Variants in COL6A6 observed in about 807,000 individuals in gnomAD.
COL6A6 encodes collagen type VI alpha 6 chain.
A neutral mutation model predicts 208.6 loss-of-function variants in COL6A6; 183 were observed. The observed-to-expected ratio is 0.88, with a 90% confidence interval of 0.78 to 0.99. The LOEUF is 0.99. Among genes scored for constraint, COL6A6 ranks in the 50% least tolerant of loss-of-function variants. The probability of loss-of-function intolerance (pLI) is 0.00; values close to 1 mark genes in which losing one functional copy is unlikely to be tolerated. For synonymous variants in COL6A6, 973 were observed against 1,011.8 expected, an observed-to-expected ratio of 0.96 and a Z score of 0.73; for missense variants, 2,816 against 2,815.2, an observed-to-expected ratio of 1.00 and a Z score of -0.01.
rs1491218268 is a variant in COL6A6, at chr3:130,662,052, CAA to C, written c.6248_6249del (p.Lys2083SerfsTer43). On this transcript the variant is annotated frameshift_variant, in exon 35 of 37. Transcript: ENST00000358511. LOFTEE classifies it high-confidence loss of function. ...FLSTPNLRRN[K>X]VIFVISAGET... ...TAAGTACACCCAATCTGAGAAGAAA[CAA>C]AGTCATATTTGTGATATCTGCTGGG... The C allele has an allele frequency of 6.2e-6, 10 of 1,613,894 alleles. No individual in the cohort carries two copies. Among genetic ancestry groups the C allele is most frequent in the African/African-American group, 1.3e-5 (1 of 74,908 alleles).
At chr3:130,579,624 G>C (rs1207895921) in intron 8 of COL6A6, among the ~76,000 whole-genome samples, 1 of 152,116 alleles carries the variant, frequency 6.6e-6, no homozygotes, top group Non-Finnish European at 1.5e-5. Context: ...TCCCACTGCT[G>C]TTATCCTACT....
At chr3:130,551,919 A>G (rs904674383) in intron 1 of COL6A6, among the ~76,000 whole-genome samples, 2 of 152,146 alleles carry the variant, frequency 1.3e-5, no homozygotes, top group African/African-American at 4.8e-5. Flanking sequence ...TTATTTACCC[A>G]AAAGTCATTC....
intron 2 of COL6A6, 110 bp from the exon 3 acceptor site, chr3:130,562,958 G>T: frequency 1.3e-6 from 1 of 741,762 alleles, no homozygotes; most frequent in Non-Finnish European, 2.2e-6. Flanking sequence ...TTATTGGGAA[G>T]GTATTTTAAA....
intron 23 of COL6A6, among the ~76,000 whole-genome samples, chr3:130,615,694 C>G (rs1165641271): frequency 6.6e-6 from 1 of 152,060 alleles, no homozygotes; most frequent in African/African-American, 2.4e-5. Context: ...CTTGCTGGTA[C>G]CATAAATTGA....
At chr3:130,566,095 C>T (rs2063015837) in intron 4 of COL6A6, among the ~76,000 whole-genome samples, 1 of 152,090 alleles carries the variant, frequency 6.6e-6, no homozygotes, top group South Asian at 2.1e-4. Flanking sequence ...TTCTAGCATC[C>T]ACCAGTGCAG....
At chr3:130,668,623 T>A (rs1019388000) in intron 36 of COL6A6, among the ~76,000 whole-genome samples, 2 of 152,198 alleles carry the variant, frequency 1.3e-5, no homozygotes, top group African/African-American at 4.8e-5. Context: ...TTATATCAGA[T>A]AATATATACT....
At chr3:130,614,365 G>A (rs1393326955) in intron 23 of COL6A6, among the ~76,000 whole-genome samples, 1 of 152,150 alleles carries the variant, frequency 6.6e-6, no homozygotes, top group Non-Finnish European at 1.5e-5. Flanking sequence ...AGGCCTACTT[G>A]ATTGTGGTGA....
rs1168963848 is a variant in COL6A6, at chr3:130,593,197, A to G, written c.4417-2A>G. On this transcript the variant is annotated splice_acceptor_variant, in intron 16 of 36. Coordinates refer to ENST00000358511, the MANE Select transcript of COL6A6 (RefSeq NM_001102608.3). LOFTEE classifies it high-confidence loss of function. ...TAATAGCTTTCCCTTCTTGTTTTTT[A>G]GGGTGATAATGGTCTTCCTGGAAGA... 6.2e-7 allele frequency: 1 copy of G among 1,613,138 alleles called. No individual in the cohort carries two copies. The highest frequency in any genetic ancestry group is 1.7e-5 in the Admixed American group (1 of 60,014).
chr3:130,557,196 T>G (rs1408068469), intron 1 of COL6A6, among the ~76,000 whole-genome samples: 2 of 152,204 alleles, frequency 1.3e-5, no homozygotes, highest in African/African-American at 4.8e-5. Context: ...GAGAGTATCA[T>G]TTTATAAAGT....
intron 8 of COL6A6, among the ~76,000 whole-genome samples, chr3:130,579,476 G>T (rs573057625): frequency 2.6e-5 from 4 of 152,226 alleles, no homozygotes; most frequent in Admixed American, 2.0e-4. Context: ...TCACAGACTT[G>T]CCCCCCAGGA....
chr3:130,584,227 A>G (rs560895483), intron 10 of COL6A6, among the ~76,000 whole-genome samples: 61 of 152,332 alleles, frequency 4.0e-4, no homozygotes, highest in African/African-American at 1.3e-3. Context: ...ACAGTTATAA[A>G]TAATAGTTAT....
chr3:130,568,474 G>A lies in COL6A6; in HGVS notation c.2271G>A (p.Val757=). 1 of 1,613,864 alleles carries A rather than the reference G, an allele frequency of 6.2e-7. No individual in the cohort carries two copies. The highest frequency in any genetic ancestry group is 8.5e-7 in the Non-Finnish European group (1 of 1,179,876). ...QEGVIIYSVG[V]FGSNVTQLEE... ...GTGTAATCATCTATTCTGTGGGAGTGTTTGGCTCCAATGTCACCCAGCTTG... is the reference window on the plus strand; with the variant it reads ...GTGTAATCATCTATTCTGTGGGAGTATTTGGCTCCAATGTCACCCAGCTTG... Residue 757 remains valine, a synonymous_variant, in exon 6 of 37, where the codon GTG becomes GTA. Coordinates refer to ENST00000358511, the MANE Select transcript of COL6A6 (RefSeq NM_001102608.3).
intron 1 of COL6A6, among the ~76,000 whole-genome samples, chr3:130,534,692 C>T (rs1460566016): frequency 2.6e-5 from 4 of 151,976 alleles, no homozygotes; most frequent in Non-Finnish European, 5.9e-5. Context: ...ATTTTTATTG[C>T]GAATGTTTTA....
At chr3:130,671,383 T>C (rs1905686) in intron 36 of COL6A6, among the ~76,000 whole-genome samples, 54,521 of 152,086 alleles carry the variant, frequency 0.36, 12,738 homozygotes, top group African/African-American at 0.66. Flanking sequence ...TCCTCTTTCG[T>C]CACACTGCCC....
chr3:130,612,597 G>C (rs895527598), intron 23 of COL6A6, among the ~76,000 whole-genome samples: 9 of 152,098 alleles, frequency 5.9e-5, no homozygotes, highest in Non-Finnish European at 1.2e-4. Context: ...TCTCTCCCTG[G>C]GTTTCATGGG....
At chr3:130,615,522 A>G (rs1232049542) in intron 23 of COL6A6, among the ~76,000 whole-genome samples, 1 of 152,196 alleles carries the variant, frequency 6.6e-6, no homozygotes, top group East Asian at 1.9e-4. Flanking sequence ...TAATACTGTC[A>G]TGATACTGTT....
chr3:130,540,439 A>T (rs1250118421), intron 1 of COL6A6, among the ~76,000 whole-genome samples: 1 of 150,010 alleles, frequency 6.7e-6, no homozygotes, highest in South Asian at 2.1e-4. Context: ...GTTCACCATC[A>T]TAGTATCAGA....
Position 130,568,500 on chromosome 3 carries a change from A to G in COL6A6, c.2297A>G (p.Glu766Gly). 1.9e-6 allele frequency: 3 copies of G among 1,613,756 alleles called. No homozygotes were observed. Among genetic ancestry groups the G allele is most frequent in the Non-Finnish European group, 2.5e-6 (3 of 1,179,880 alleles). ...GVFGSNVTQLEEISGRPEMVF... is the reference protein window; with the variant it reads ...GVFGSNVTQLGEISGRPEMVF... ...TTTGGCTCCAATGTCACCCAGCTTG[A>G]GGAGATCAGTGGGAGGCCCGAGATG... Residue 766 changes from glutamate (E) to glycine (G), a missense_variant, in exon 6 of 37, where the codon GAG (glutamate) becomes GGG (glycine). Transcript: ENST00000358511.
At chr3:130,540,818 C>T (rs2062345545) in intron 1 of COL6A6, among the ~76,000 whole-genome samples, 1 of 152,158 alleles carries the variant, frequency 6.6e-6, no homozygotes, top group Admixed American at 6.5e-5. Flanking sequence ...TCATCCATTT[C>T]CCTGTAAAGG....
Sources: gnomAD v4.1 joint callset for allele counts (sites outside exome capture counted in the v4.1 genomes callset) on GRCh38, gnomAD v4.1.1 for gene constraint, MANE v1.5 for transcripts, NCBI Gene and HGNC (gene_info 2026-07-23, HGNC 2026-07-21) for gene names.